The following RFFL variants were observed in gnomAD, a reference collection of about 807,000 sequenced individuals.
The protein encoded by RFFL is E3 ubiquitin-protein ligase rififylin.
A neutral mutation model predicts 40.4 loss-of-function variants in RFFL; 16 were observed. That is an observed-to-expected ratio of 0.40 (90% CI 0.27 to 0.60). The LOEUF (loss-of-function observed/expected upper bound fraction) is 0.60. Ranked by LOEUF, RFFL falls within the 20% of genes least tolerant of loss-of-function variation. RFFL has a pLI of 0.47. For synonymous variants in RFFL, 154 were observed against 167.9 expected, an observed-to-expected ratio of 0.92 and a Z score of 0.64; for missense variants, 367 against 451.7, an observed-to-expected ratio of 0.81 and a Z score of 1.70.
chr17:35,058,336 A>C (rs1274022245), intron 1 of RFFL, among the ~76,000 whole-genome samples: 1 of 152,312 alleles, frequency 6.6e-6, no homozygotes, highest in African/African-American at 2.4e-5. Context: ...GGTACCTAGG[A>C]GCTTATGCTT....
In RFFL at chr17:35,008,367, G is replaced by C. The variant is rs2090910678; in HGVS notation, c.*3601C>G. The C allele has an allele frequency of 6.6e-6, 1 of 152,080 alleles. No homozygotes were observed. 9.4% of individuals were successfully genotyped at this position (152,080 alleles called of 1,614,324 possible). On this transcript the variant is annotated 3_prime_UTR_variant, in exon 7 of 7. Transcript: ENST00000394597. ...CTGAGCATCTTGACCAAGGTCACTT[G>C]GCCCAACCACAGGCTAATCCCAGGC...
At chr17:35,016,984 C>G (rs943111936) in intron 4 of RFFL, among the ~76,000 whole-genome samples, 1 of 152,144 alleles carries the variant, frequency 6.6e-6, no homozygotes, top group African/African-American at 2.4e-5. Flanking sequence ...AGTCCTACCC[C>G]ACAGGGGTCC....
chr17:35,024,183 G>C (rs1024148328), intron 2 of RFFL, among the ~76,000 whole-genome samples: 2 of 152,118 alleles, frequency 1.3e-5, no homozygotes, highest in Non-Finnish European at 2.9e-5. Context: ...CGTGTGCAGG[G>C]TTCTGCTGGC....
rs577856752 is a variant in RFFL, at chr17:35,045,568, T to TTTA, written c.-9+18005_-9+18007dup. On this transcript the variant is annotated intron_variant, in intron 1 of 6. Coordinates refer to ENST00000394597, the MANE Select transcript of RFFL (RefSeq NM_001017368.2). ...CTTTTTAAAGTATTTTTCTTCCATA[T>TTTA]TTAGGGTGTGGAAAGTGAAACAGGA... Among the ~76,000 whole-genome samples the TTTA allele has an allele frequency of 3.3e-5, 5 of 152,178 alleles. No individual in the cohort carries two copies. In the South Asian group the frequency reaches 6.2e-4, roughly 19 times the overall value.
chr17:35,057,011 G>T (rs1048882834), intron 1 of RFFL, among the ~76,000 whole-genome samples: 2 of 151,038 alleles, frequency 1.3e-5, no homozygotes, highest in Admixed American at 1.3e-4. Flanking sequence ...CACCTCCCGG[G>T]TTCCAACAAT....
chr17:35,079,899 T>C (rs1028329352), intron 1 of RFFL, among the ~76,000 whole-genome samples: 2 of 152,182 alleles, frequency 1.3e-5, no homozygotes, highest in African/African-American at 4.8e-5. Flanking sequence ...TCCATCAGTA[T>C]ATGATAAGTA....
intron 1 of RFFL, among the ~76,000 whole-genome samples, chr17:35,076,528 A>C (rs1364496353): frequency 2.6e-5 from 4 of 151,800 alleles, no homozygotes; most frequent in African/African-American, 9.7e-5. Flanking sequence ...AAAATACAAA[A>C]TTAGCCGGGT....
In RFFL at chr17:35,016,431, C is replaced by G; in HGVS notation, c.825G>C (p.Lys275Asn). ...NFVNYKGCCEKWELMERVTRL... is the reference protein window; with the variant it reads ...NFVNYKGCCENWELMERVTRL... ...GGGTCACTCTCTCCATCAGCTCCCA[C>G]TTCTCACAGCAGCCCTTGTAGTTGA... The change falls in exon 5 of 7, where the codon AAG becomes AAC. Residue 275 changes from lysine (K) to asparagine (N), a missense_variant. Transcript: ENST00000394597. 6.2e-7 allele frequency: 1 copy of G among 1,614,224 alleles called. No individual in the cohort carries two copies. The highest frequency in any genetic ancestry group is 8.5e-7 in the Non-Finnish European group (1 of 1,180,028).
At chr17:35,087,608 G>T (rs2091437516) in intron 1 of RFFL, among the ~76,000 whole-genome samples, 1 of 152,092 alleles carries the variant, frequency 6.6e-6, no homozygotes, top group African/African-American at 2.4e-5. Flanking sequence ...TTTGTAATTA[G>T]ACGGGCATTA....
intron 1 of RFFL, among the ~76,000 whole-genome samples, chr17:35,083,391 G>A (rs1597847157): frequency 6.6e-6 from 1 of 152,274 alleles, no homozygotes; most frequent in African/African-American, 2.4e-5. Flanking sequence ...GGCTATTCTA[G>A]CAAATCAAAC....
chr17:35,079,033 A>G (rs2091391372), intron 1 of RFFL, among the ~76,000 whole-genome samples: 1 of 152,180 alleles, frequency 6.6e-6, no homozygotes, highest in South Asian at 2.1e-4. Flanking sequence ...GTATATCAAA[A>G]CACACAAACA....
intron 1 of RFFL, among the ~76,000 whole-genome samples, chr17:35,030,064 G>A (rs1215955460): frequency 6.7e-6 from 1 of 150,028 alleles, no homozygotes; most frequent in African/African-American, 2.5e-5. Flanking sequence ...GTGTATATGT[G>A]CCACATTTTC....
chr17:35,050,680 A>T (rs2142356492), intron 1 of RFFL, among the ~76,000 whole-genome samples: 1 of 152,120 alleles, frequency 6.6e-6, no homozygotes, highest in East Asian at 1.9e-4. Context: ...AAAAAAAATT[A>T]ATTAAAATAA....
chr17:35,083,415 T>C (rs1426654579), intron 1 of RFFL, among the ~76,000 whole-genome samples: 1 of 152,190 alleles, frequency 6.6e-6, no homozygotes, highest in Non-Finnish European at 1.5e-5. Context: ...CTGGATAGCA[T>C]AACGATTCTA....
In RFFL at chr17:35,014,733, T is replaced by C; in HGVS notation, c.910+7A>G. ...AAGCCCATTCCCAAACAGAAACAAC[T>C]ACATACCGTTTTGGTCTTCGGCACC... On this transcript the variant is annotated splice_region_variant and intron_variant, in intron 6 of 6. Coordinates refer to ENST00000394597, the MANE Select transcript of RFFL (RefSeq NM_001017368.2). 6.2e-7 allele frequency: 1 copy of C among 1,613,308 alleles called. No homozygotes were observed. Among genetic ancestry groups the C allele is most frequent in the South Asian group, 1.1e-5 (1 of 91,066 alleles).
chr17:35,026,129 T>C (rs2142327180), intron 2 of RFFL, among the ~76,000 whole-genome samples: 1 of 152,360 alleles, frequency 6.6e-6, no homozygotes. Context: ...GGTTAGATCA[T>C]ATAGCTAGTA....
upstream of RFFL, among the ~76,000 whole-genome samples, chr17:35,064,974 CCT>C (rs1478685356): frequency 2.0e-5 from 3 of 152,054 alleles, no homozygotes; most frequent in East Asian, 1.9e-4. Context: ...TAAAATGTTC[CCT>C]GTTTTATTTC....
At chr17:35,071,056 G>T (rs1245326753) in intron 1 of RFFL, among the ~76,000 whole-genome samples, 1 of 151,502 alleles carries the variant, frequency 6.6e-6, no homozygotes, top group Non-Finnish European at 1.5e-5. Flanking sequence ...AAATTAGCCA[G>T]GCATGGTGGC....
At chr17:35,031,253 C>T (rs2091081236) in intron 1 of RFFL, among the ~76,000 whole-genome samples, 1 of 151,790 alleles carries the variant, frequency 6.6e-6, no homozygotes. Flanking sequence ...ATTACAGGCG[C>T]CTGCTACCAT....
Sources: allele counts gnomAD v4.1 joint callset (sites outside exome capture counted in the v4.1 genomes callset), GRCh38; gene constraint gnomAD v4.1.1; transcripts MANE v1.5; gene names NCBI Gene and HGNC (gene_info 2026-07-23, HGNC 2026-07-21).